Variants in CNEP1R1 observed in about 807,000 individuals in gnomAD.
The protein encoded by CNEP1R1 is nuclear envelope phosphatase-regulatory subunit 1.
Under a neutral mutation model 22.7 loss-of-function variants are expected in CNEP1R1, and 10 were observed. The observed-to-expected ratio is 0.44, with a 90% CI of 0.27 to 0.75. CNEP1R1 has a LOEUF of 0.75. CNEP1R1 is among the 30% of genes least tolerant of loss of function. The pLI, the probability that CNEP1R1 is intolerant of heterozygous loss-of-function variation, is 0.17. For synonymous variants in CNEP1R1, 53 were observed against 50.1 expected (o/e 1.06, Z -0.25); for missense variants, 73 against 151.5 (o/e 0.48, Z 2.72).
intron 3 of CNEP1R1, among the ~76,000 whole-genome samples, chr16:50,032,941 G>A (rs2036244031): frequency 6.6e-6 from 1 of 151,814 alleles, no homozygotes; most frequent in Admixed American, 6.6e-5. Flanking sequence ...GGAGGTGGAG[G>A]TTGCAGTGAC....
intron 1 of CNEP1R1, 136 bp downstream of exon 1, chr16:50,025,476 C>T: frequency 8.7e-7 from 1 of 1,155,012 alleles, no homozygotes; most frequent in East Asian, 2.6e-5. Context: ...AGCTTGGGGG[C>T]GCGTAGGCGG....
At chr16:50,025,734 A>C in intron 1 of CNEP1R1, 1 of 1,585,496 alleles carries the variant, frequency 6.3e-7, no homozygotes, top group Non-Finnish European at 8.7e-7. Context: ...TTTAAAGTTT[A>C]AAGCACACCA....
chr16:50,025,424 C>G, intron 1 of CNEP1R1, 84 bp downstream of exon 1: 2 of 1,342,462 alleles, frequency 1.5e-6, no homozygotes, highest in South Asian at 1.5e-5. Flanking sequence ...TGAAGACCCC[C>G]GCCCCGGGAG....
intron 2 of CNEP1R1, among the ~76,000 whole-genome samples, chr16:50,027,284 C>T (rs1237768744): frequency 1.3e-5 from 2 of 151,868 alleles, no homozygotes; most frequent in Non-Finnish European, 2.9e-5. Flanking sequence ...CCGAGGCGGA[C>T]GGATCACGAG....
Position 50,035,464 on chromosome 16 carries a change from T to C in CNEP1R1, c.*6T>C, listed in dbSNP as rs746195751. 14 of 1,576,112 alleles carry C rather than the reference T, an allele frequency of 8.9e-6. No homozygotes were observed. The East Asian group carries it at 3.2e-4, about 36-fold the overall frequency. On this transcript the variant is annotated 3_prime_UTR_variant, in exon 6 of 6. Transcript: ENST00000427478. The stretch of plus-strand genomic sequence containing the variant: ...CTAGGCCTCATGTTCAATGACAATC[T>C]TCACTCATTGTTATGGGACTTAAAA...
Position 50,026,487 on chromosome 16 carries a change from T to G in CNEP1R1, c.97+20T>G, listed in dbSNP as rs2036184642. On this transcript the variant is annotated intron_variant, in intron 2 of 5. Transcript: ENST00000427478. The stretch of plus-strand genomic sequence containing the variant: ...GGAGAAGTAAGTTCCTGAATGTTAT[T>G]TTAAGGGAAAACTAACAATTGATAC... The G allele has an allele frequency of 2.6e-6, 4 of 1,559,488 alleles. No homozygotes were observed. Among genetic ancestry groups the G allele is most frequent in the Non-Finnish European group, 2.6e-6 (3 of 1,136,600 alleles).
chr16:50,030,862 G>A (rs1340288729), intron 3 of CNEP1R1, among the ~76,000 whole-genome samples: 2 of 152,188 alleles, frequency 1.3e-5, no homozygotes, highest in African/African-American at 4.8e-5. Flanking sequence ...GAAACACTGA[G>A]GGATCTCCCA....
intron 1 of CNEP1R1, chr16:50,025,796 C>G (rs1277151170): frequency 2.9e-6 from 3 of 1,029,952 alleles, no homozygotes; most frequent in Non-Finnish European, 4.5e-6. Flanking sequence ...ACGCCCCTGT[C>G]TTCTAGAACT....
At chr16:50,025,746 T>A (rs1567409507) in intron 1 of CNEP1R1, 3 of 1,530,962 alleles carry the variant, frequency 2.0e-6, no homozygotes, top group Non-Finnish European at 2.7e-6. Flanking sequence ...AGCACACCAC[T>A]GCGGAAAGGA....
intron 2 of CNEP1R1, 46 bp downstream of exon 2, chr16:50,026,513 T>C (rs2144271016): frequency 7.5e-7 from 1 of 1,331,420 alleles, no homozygotes; most frequent in African/African-American, 1.4e-5. Context: ...CAATTGATAC[T>C]TTTATCCTAA....
chr16:50,036,911 T>C lies in CNEP1R1; in HGVS notation c.*1453T>C, dbSNP rs73579207. 4.2e-3 allele frequency: 636 copies of C among 152,766 alleles called. 5 individuals are homozygous for C. The highest frequency in any genetic ancestry group is 0.014 in the African/African-American group (579 of 41,568). 9.5% of individuals were successfully genotyped at this position (152,766 alleles called of 1,614,324 possible). On this transcript the variant is annotated 3_prime_UTR_variant, in exon 6 of 6. Transcript: ENST00000427478. ...TAACAAGGCTGCCATTTAACTTAAA[T>C]GTGTTCATCTTAGCTTTCACTTGTA...
rs572616164 is a variant in CNEP1R1 at position 50,027,478 on chromosome 16, A to C, written c.97+1011A>C. The stretch of plus-strand genomic sequence containing the variant: ...AGCCGAGATTGCACCACTGCACTCC[A>C]ACCTGGGCGACAGAGCGAGACTCTG... On this transcript the variant is annotated intron_variant, in intron 2 of 5. Coordinates refer to ENST00000427478, the MANE Select transcript of CNEP1R1 (RefSeq NM_001281789.2). 1.9e-3 allele frequency among the ~76,000 whole-genome samples: 288 copies of C among 150,680 alleles called. 2 individuals are homozygous for C. The highest frequency in any genetic ancestry group is 6.6e-3 in the African/African-American group (272 of 40,996).
At chr16:50,025,516 C>A in intron 1 of CNEP1R1, 176 bp downstream of exon 1, 1 of 1,066,836 alleles carries the variant, frequency 9.4e-7, no homozygotes, top group Non-Finnish European at 1.4e-6. Context: ...GGGGGCGGTG[C>A]CTCAGCTCCC....
intron 2 of CNEP1R1, 106 bp downstream of exon 2, chr16:50,026,573 C>G (rs1350459197): frequency 2.2e-6 from 2 of 893,622 alleles, no homozygotes; most frequent in Admixed American, 4.9e-5. Context: ...ATTTATTTAA[C>G]ATTGTAGACA....
chr16:50,029,392 G>A (rs1404517149), intron 2 of CNEP1R1, among the ~76,000 whole-genome samples: 1 of 152,140 alleles, frequency 6.6e-6, no homozygotes, highest in Non-Finnish European at 1.5e-5. Flanking sequence ...GAGTTTACAA[G>A]ATCTGCAAAA....
intron 1 of CNEP1R1, 105 bp downstream of exon 1, chr16:50,025,445 A>G (rs2144269123): frequency 7.9e-7 from 1 of 1,262,492 alleles, no homozygotes; most frequent in Non-Finnish European, 1.1e-6. Flanking sequence ...GAGGCCGCAG[A>G]GGATGGAGCT....
intron 3 of CNEP1R1, among the ~76,000 whole-genome samples, chr16:50,032,670 G>A (rs531807549): frequency 5.1e-4 from 78 of 152,300 alleles, no homozygotes; most frequent in African/African-American, 1.6e-3. Context: ...ATCAGGTTAT[G>A]AATGGCAGAG....
chr16:50,025,290 G>A lies in CNEP1R1; in HGVS notation c.-26G>A, dbSNP rs537987713. 58 of 1,426,356 alleles carry A rather than the reference G, an allele frequency of 4.1e-5. No individual in the cohort carries two copies. Among genetic ancestry groups the A allele is most frequent in the East Asian group, 3.3e-4 (12 of 36,202 alleles). The allele number at this position is 1,426,356 out of a possible 1,614,324, so 88.4% of individuals were successfully genotyped here. On this transcript the variant is annotated 5_prime_UTR_variant, in exon 1 of 6. Transcript: ENST00000427478. Reference sequence around the variant, plus strand: ...GAAGCTGCGATGCGGACAGGGCAGCGGCGGTGACCCGAGCTGCCGCCCGAC... The same window carrying A: ...GAAGCTGCGATGCGGACAGGGCAGCAGCGGTGACCCGAGCTGCCGCCCGAC...
intron 3 of CNEP1R1, among the ~76,000 whole-genome samples, chr16:50,032,493 T>C (rs939665857): frequency 6.6e-6 from 1 of 152,208 alleles, no homozygotes; most frequent in African/African-American, 2.4e-5. Flanking sequence ...GTCATTTAGA[T>C]CTCAGTAGCT....
Sources: gnomAD v4.1 joint callset for allele counts (sites outside exome capture counted in the v4.1 genomes callset) on GRCh38, gnomAD v4.1.1 for gene constraint, MANE v1.5 for transcripts, NCBI Gene and HGNC (gene_info 2026-07-23, HGNC 2026-07-21) for gene names.